Variants in MYO3A observed in about 807,000 individuals in gnomAD.
The protein encoded by MYO3A is myosin IIIA.
A neutral mutation model predicts 192.7 loss-of-function variants in MYO3A; 180 were observed. The ratio of observed to expected loss-of-function variants is 0.93; its 90% CI spans 0.83 to 1.06. The LOEUF (loss-of-function observed/expected upper bound fraction) is 1.06, where lower values mean the gene tolerates loss of function less well. Ranked by LOEUF, MYO3A falls within the 50% of genes least tolerant of loss-of-function variation. The pLI is 0.00. For synonymous variants in MYO3A, 628 were observed against 645.3 expected (o/e 0.97, Z 0.41); for missense variants, 1,896 against 1,905.0 (o/e 1.00, Z 0.09).
intron 1 of MYO3A, 130 bp downstream of exon 1, chr10:25,934,458 C>G (rs117854876): frequency 0.053 from 8,079 of 151,978 alleles, 210 homozygotes; most frequent in Non-Finnish European, 0.063. Context: ...TCTCTGAGCG[C>G]GAGGCTGCCG....
intron 4 of MYO3A, among the ~76,000 whole-genome samples, chr10:25,975,858 G>A (rs527667002): frequency 3.3e-4 from 51 of 152,244 alleles, no homozygotes; most frequent in East Asian, 2.3e-3. Context: ...AAGACATGCC[G>A]AAATTCAATA....
At chr10:25,952,849 A>G (rs927357981) in intron 3 of MYO3A, among the ~76,000 whole-genome samples, 1 of 151,200 alleles carries the variant, frequency 6.6e-6, no homozygotes, top group African/African-American at 2.4e-5. Flanking sequence ...CTCTGCTTAC[A>G]GGAGGCCACA....
At chr10:26,122,727 C>T (rs1838952280) in intron 18 of MYO3A, among the ~76,000 whole-genome samples, 1 of 152,096 alleles carries the variant, frequency 6.6e-6, no homozygotes, top group South Asian at 2.1e-4. Flanking sequence ...TTCTCCTTCT[C>T]CTCCTTCTCC....
At chr10:25,977,878 AT>A (rs1839054997) in intron 4 of MYO3A, among the ~76,000 whole-genome samples, 1 of 152,192 alleles carries the variant, frequency 6.6e-6, no homozygotes, top group African/African-American at 2.4e-5. Context: ...AAAGTATCAC[AT>A]ACAAGAGTCT....
At chr10:26,047,893 T>C (rs1843725918) in intron 10 of MYO3A, among the ~76,000 whole-genome samples, 1 of 152,128 alleles carries the variant, frequency 6.6e-6, no homozygotes, top group Non-Finnish European at 1.5e-5. Context: ...TATTCTTTTT[T>C]TTTTGCAGTG....
intron 27 of MYO3A, among the ~76,000 whole-genome samples, chr10:26,168,016 C>T (rs1188441257): frequency 1.3e-5 from 2 of 152,212 alleles, no homozygotes; most frequent in African/African-American, 4.8e-5. Context: ...TAGATGAGAA[C>T]ACGCCAAGCC....
intron 31 of MYO3A, 102 bp from the exon 32 acceptor site, chr10:26,193,103 C>T (rs1589111197): frequency 2.1e-6 from 2 of 938,470 alleles, no homozygotes; most frequent in East Asian, 2.6e-5. Flanking sequence ...CAGCCTTAGC[C>T]TCAGTCATAT....
chr10:26,192,943 C>T lies in MYO3A; in HGVS notation c.4439-262C>T, dbSNP rs116548782. Among the ~76,000 whole-genome samples, 3,358 of 152,250 alleles carry T rather than the reference C, an allele frequency of 0.022. 114 individuals are homozygous for T. The highest frequency in any genetic ancestry group is 0.076 in the African/African-American group (3,174 of 41,520). ...GTGCTGGGATAACAGGCGTGAACCA[C>T]TGCACCCGGCTGCATTGGTTTTCTT... On this transcript the variant is annotated intron_variant, in intron 31 of 34. Coordinates refer to ENST00000642920, the MANE Select transcript of MYO3A (RefSeq NM_017433.5).
chr10:26,203,824 G>C (rs1428663143), intron 34 of MYO3A, among the ~76,000 whole-genome samples: 1 of 152,192 alleles, frequency 6.6e-6, no homozygotes, highest in Non-Finnish European at 1.5e-5. Flanking sequence ...ATTTTACAGA[G>C]TGACATGGTG....
intron 6 of MYO3A, among the ~76,000 whole-genome samples, chr10:26,014,196 G>A (rs1308478069): frequency 1.3e-5 from 2 of 151,054 alleles, no homozygotes; most frequent in Non-Finnish European, 3.0e-5. Context: ...AGGGTAATGG[G>A]TGCACTAAAG....
At chr10:26,051,050 T>G (rs1843966831) in intron 10 of MYO3A, among the ~76,000 whole-genome samples, 2 of 152,354 alleles carry the variant, frequency 1.3e-5, no homozygotes, top group Admixed American at 1.3e-4. Context: ...ATTAAAATAG[T>G]GCACAGCTGT....
intron 19 of MYO3A, among the ~76,000 whole-genome samples, chr10:26,126,001 T>G (rs1839196497): frequency 6.6e-6 from 1 of 152,192 alleles, no homozygotes; most frequent in African/African-American, 2.4e-5. Context: ...AAATTAAACT[T>G]TGAAGATAAA....
chr10:26,158,218 T>G (rs1259116649), intron 26 of MYO3A, among the ~76,000 whole-genome samples: 3 of 152,266 alleles, frequency 2.0e-5, no homozygotes, highest in African/African-American at 7.2e-5. Context: ...TAAATTTTTT[T>G]AAAAGAATCA....
At chr10:26,204,570 G>C (rs561305248) in intron 34 of MYO3A, 1 of 152,182 alleles carries the variant, frequency 6.6e-6, no homozygotes, top group Non-Finnish European at 1.5e-5. Flanking sequence ...GCAACCGCAC[G>C]AGGCAGTTAC....
At chr10:25,979,239 A>T (rs1222100518) in intron 4 of MYO3A, among the ~76,000 whole-genome samples, 1 of 152,186 alleles carries the variant, frequency 6.6e-6, no homozygotes, top group Non-Finnish European at 1.5e-5. Context: ...TAGAGTGAAT[A>T]GCATTGTTTC....
chr10:26,175,912 T>C (rs573204891), intron 30 of MYO3A, among the ~76,000 whole-genome samples: 6 of 152,240 alleles, frequency 3.9e-5, no homozygotes, highest in African/African-American at 1.4e-4. Flanking sequence ...GACAGCCGTG[T>C]TCTCAGAGCC....
intron 4 of MYO3A, among the ~76,000 whole-genome samples, chr10:25,957,862 A>G (rs1438185349): frequency 2.0e-5 from 3 of 152,058 alleles, no homozygotes; most frequent in African/African-American, 4.8e-5. Context: ...AGCTTTTTTC[A>G]TATGCTATTG....
At chr10:26,182,855 A>G (rs1226075921) in intron 31 of MYO3A, among the ~76,000 whole-genome samples, 2 of 152,062 alleles carry the variant, frequency 1.3e-5, no homozygotes, top group African/African-American at 4.8e-5. Context: ...CCCAACAAAG[A>G]CCTCACTCTC....
At chr10:26,198,880 T>C (rs1843543472) in intron 32 of MYO3A, among the ~76,000 whole-genome samples, 1 of 152,232 alleles carries the variant, frequency 6.6e-6, no homozygotes. Context: ...TGCTTCTTTA[T>C]TTGCATTTCA....
Sources: gnomAD v4.1 joint callset for allele counts (sites outside exome capture counted in the v4.1 genomes callset) on GRCh38, gnomAD v4.1.1 for gene constraint, MANE v1.5 for transcripts, NCBI Gene and HGNC (gene_info 2026-07-23, HGNC 2026-07-21) for gene names.